The following TSHZ3 variants were observed in gnomAD, a reference collection of about 807,000 sequenced individuals.
TSHZ3 encodes teashirt zinc finger homeobox 3.
In TSHZ3, 10 loss-of-function variants were observed where a neutral mutation model predicts 64.5. The observed-to-expected ratio is 0.16, with a 90% CI of 0.10 to 0.26. The LOEUF (loss-of-function observed/expected upper bound fraction) is 0.26. TSHZ3 is among the 10% of genes least tolerant of loss of function. The probability of loss-of-function intolerance (pLI) is 1.00; values close to 1 mark genes in which losing one functional copy is unlikely to be tolerated. For missense variants in TSHZ3, 1,242 were observed against 1,421.7 expected (o/e 0.87, Z 2.03); for synonymous variants, 608 against 593.1 (o/e 1.03, Z -0.36).
At chr19:31,260,403 G>A (rs919810624) in intron 1 of TSHZ3, among the ~76,000 whole-genome samples, 1 of 152,110 alleles carries the variant, frequency 6.6e-6, no homozygotes, top group African/African-American at 2.4e-5. Flanking sequence ...CTCTTCAGTG[G>A]TCAGGTCTGG....
intron 5 of TSHZ3, among the ~76,000 whole-genome samples, chr19:31,196,143 G>T (rs1314111808): frequency 6.6e-6 from 1 of 151,734 alleles, no homozygotes; most frequent in Non-Finnish European, 1.5e-5. Flanking sequence ...ATGACATAAG[G>T]GACGGGAAGG....
chr19:31,313,465 T>C (rs4804960), intron 1 of TSHZ3, among the ~76,000 whole-genome samples: 53,062 of 152,016 alleles, frequency 0.35, 10,435 homozygotes, highest in Middle Eastern at 0.52. Flanking sequence ...CTGAGCTACA[T>C]GCCTGCCACG....
chr19:31,232,721 C>A (rs571271542), intron 3 of TSHZ3, among the ~76,000 whole-genome samples: 1 of 152,268 alleles, frequency 6.6e-6, no homozygotes, highest in South Asian at 2.1e-4. Context: ...TCCATCCTAC[C>A]CCCTGCTCCA....
At chr19:31,153,502 G>A (rs1974266590) in intron 6 of TSHZ3, among the ~76,000 whole-genome samples, 1 of 152,220 alleles carries the variant, frequency 6.6e-6, no homozygotes, top group South Asian at 2.1e-4. Context: ...ATTGGTGTTT[G>A]ATAAATATCA....
chr19:31,172,105 C>T (rs766767862), intron 5 of TSHZ3, among the ~76,000 whole-genome samples: 2 of 152,162 alleles, frequency 1.3e-5, no homozygotes, highest in African/African-American at 2.4e-5. Context: ...GTACACTTCA[C>T]CCATGTCCCA....
intron 1 of TSHZ3, among the ~76,000 whole-genome samples, chr19:31,300,497 C>A (rs917523206): frequency 2.6e-5 from 4 of 152,120 alleles, no homozygotes; most frequent in South Asian, 4.1e-4. Flanking sequence ...AAAGAAAAAA[C>A]CAACCTAGCT....
rs915125936 is a variant in TSHZ3, at chr19:31,349,295, G to A, written c.-76C>T. On this transcript the variant is annotated 5_prime_UTR_variant, in exon 1 of 2. Coordinates refer to ENST00000240587, the MANE Select transcript of TSHZ3 (RefSeq NM_020856.4). Reference sequence around the variant, plus strand: ...GAGGACAGGGAGGGAGGGGGCGGCGGGCCCGCGGGGGGGCGAGGCGGGCCT... The same window carrying A: ...GAGGACAGGGAGGGAGGGGGCGGCGAGCCCGCGGGGGGGCGAGGCGGGCCT... The A allele has an allele frequency of 7.1e-5, 101 of 1,422,326 alleles. No individual in the cohort carries two copies. Among genetic ancestry groups the A allele is most frequent in the Non-Finnish European group, 9.3e-5 (100 of 1,078,564 alleles). The allele number at this position is 1,422,326 out of a possible 1,614,324, so 88.1% of individuals were successfully genotyped here.
chr19:31,341,852 T>C (rs1470615857), intron 1 of TSHZ3, among the ~76,000 whole-genome samples: 1 of 152,222 alleles, frequency 6.6e-6, no homozygotes, highest in East Asian at 1.9e-4. Context: ...CACCTTTTCA[T>C]AATTAGCCAC....
At chr19:31,190,273 A>G (rs1974882582) in intron 5 of TSHZ3, among the ~76,000 whole-genome samples, 1 of 152,192 alleles carries the variant, frequency 6.6e-6, no homozygotes, top group Non-Finnish European at 1.5e-5. Context: ...AGGCATGCAC[A>G]TGGTATCACT....
chr19:31,168,189 G>A (rs1433927792), intron 5 of TSHZ3, among the ~76,000 whole-genome samples: 1 of 151,992 alleles, frequency 6.6e-6, no homozygotes. Flanking sequence ...TTTTATGCAT[G>A]CCATTGTTGC....
At chr19:31,281,120 T>C (rs1281882650) in intron 1 of TSHZ3, among the ~76,000 whole-genome samples, 1 of 152,200 alleles carries the variant, frequency 6.6e-6, no homozygotes, top group African/African-American at 2.4e-5. Context: ...ATTGCAAGGC[T>C]GATTTCTACA....
intron 3 of TSHZ3, among the ~76,000 whole-genome samples, chr19:31,234,031 C>A (rs116500022): frequency 9.3e-5 from 14 of 151,212 alleles, no homozygotes; most frequent in African/African-American, 3.4e-4. Context: ...ACTATCTAGT[C>A]TTCCCATCCA....
intron 3 of TSHZ3, among the ~76,000 whole-genome samples, chr19:31,240,269 T>C (rs1327391164): frequency 6.6e-6 from 1 of 152,178 alleles, no homozygotes; most frequent in Non-Finnish European, 1.5e-5. Context: ...TATGTAGTTA[T>C]ATCTATCAAT....
chr19:31,311,458 G>T (rs1014913634), intron 1 of TSHZ3, among the ~76,000 whole-genome samples: 2 of 152,116 alleles, frequency 1.3e-5, no homozygotes, highest in African/African-American at 4.8e-5. Flanking sequence ...GGTGAGTCTC[G>T]CCTGTGGCCT....
intron 5 of TSHZ3, among the ~76,000 whole-genome samples, chr19:31,164,221 G>A (rs965795099): frequency 5.3e-5 from 8 of 152,102 alleles, no homozygotes; most frequent in Non-Finnish European, 1.0e-4. Context: ...TCAGGCCATC[G>A]ACCCAGAACA....
At chr19:31,339,370 A>C (rs942581664) in intron 1 of TSHZ3, among the ~76,000 whole-genome samples, 4 of 152,024 alleles carry the variant, frequency 2.6e-5, no homozygotes, top group African/African-American at 9.7e-5. Context: ...CCCACCCGCC[A>C]CGCCACGCAC....
intron 3 of TSHZ3, among the ~76,000 whole-genome samples, chr19:31,231,475 T>C (rs564158195): frequency 3.3e-5 from 5 of 152,360 alleles, no homozygotes; most frequent in Admixed American, 3.3e-4. Flanking sequence ...CTGACTCCAC[T>C]GTGAAAGATT....
At chr19:31,281,853 G>T (rs1335645160) in intron 1 of TSHZ3, among the ~76,000 whole-genome samples, 2 of 152,204 alleles carry the variant, frequency 1.3e-5, no homozygotes, top group African/African-American at 2.4e-5. Flanking sequence ...GGAGTGGCAG[G>T]CCTGGAGGAA....
chr19:31,173,664 G>A (rs1240807722), intron 5 of TSHZ3, among the ~76,000 whole-genome samples: 1 of 152,092 alleles, frequency 6.6e-6, no homozygotes, highest in Non-Finnish European at 1.5e-5. Flanking sequence ...TGAACATCTG[G>A]CTGTTTCTCC....
Sources: gnomAD v4.1 joint callset for allele counts (sites outside exome capture counted in the v4.1 genomes callset) on GRCh38, gnomAD v4.1.1 for gene constraint, MANE v1.5 for transcripts, NCBI Gene and HGNC (gene_info 2026-07-23, HGNC 2026-07-21) for gene names.